CFAP47: variants seen among roughly 807,000 people sequenced by gnomAD.
CFAP47 encodes the protein cilia- and flagella-associated protein 47.
Under a neutral mutation model 148.1 loss-of-function variants are expected in CFAP47, and 29 were observed. The ratio of observed to expected loss-of-function variants is 0.20; its 90% CI spans 0.15 to 0.27. The LOEUF is 0.27. Among genes scored for constraint, CFAP47 ranks in the 10% least tolerant of loss-of-function variants. The probability of loss-of-function intolerance (pLI) is 1.00; values close to 1 mark genes in which losing one functional copy is unlikely to be tolerated. For missense variants in CFAP47, 1,872 were observed against 1,697.5 expected, an observed-to-expected ratio of 1.10 and a Z score of -1.81; for synonymous variants, 664 against 577.3, an observed-to-expected ratio of 1.15 and a Z score of -2.15.
At position 36,267,783 on chromosome X, in the gene CFAP47, G is replaced by C. The variant is rs1329174719; in HGVS notation, c.7445-12704G>C. ...GTGAGCCACCGCGCCCAGCAAAGTG[G>C]TTCATGTTCTTTTAGGTGACAGGAG... On this transcript the variant is annotated intron_variant, in intron 49 of 63. Transcript: ENST00000378653. Among the ~76,000 whole-genome samples the C allele has an allele frequency of 3.6e-5, 4 of 112,318 alleles. No individual in the cohort carries two copies. The East Asian group carries it at 1.1e-3, about 32-fold the overall frequency.
intron 51 of CFAP47, among the ~76,000 whole-genome samples, chrX:36,288,999 C>CTTTTTT (rs34230885): frequency 4.5e-4 from 30 of 66,400 alleles, no homozygotes; most frequent in African/African-American, 6.0e-4. Flanking sequence ...TTCTTTCATC[C>CTTTTTT]TTTTTTTTTT....
At chrX:36,038,533 A>G (rs1937365347) in intron 24 of CFAP47, among the ~76,000 whole-genome samples, 1 of 111,760 alleles carries the variant, frequency 8.9e-6, no homozygotes, top group African/African-American at 3.2e-5. Flanking sequence ...TAAACTTAAA[A>G]ATTTGGGATA....
intron 22 of CFAP47, among the ~76,000 whole-genome samples, chrX:36,021,396 G>T (rs1489984509): frequency 9.0e-6 from 1 of 110,645 alleles, no homozygotes; most frequent in Non-Finnish European, 1.9e-5. Context: ...TCAACCTCCT[G>T]GGTTCAAGTG....
chrX:36,215,433 C>G (rs1940149188), intron 45 of CFAP47, among the ~76,000 whole-genome samples: 1 of 110,196 alleles, frequency 9.1e-6, no homozygotes, highest in South Asian at 3.9e-4. Context: ...AGCATGGGGG[C>G]AGGTCTGCTT....
At chrX:36,275,338 T>C (rs1941003465) in intron 49 of CFAP47, among the ~76,000 whole-genome samples, 1 of 109,824 alleles carries the variant, frequency 9.1e-6, no homozygotes, top group Non-Finnish European at 1.9e-5. Context: ...CCTCCCAAAG[T>C]GCTGGGACTA....
At position 36,101,041 on chromosome X, in the gene CFAP47, C is replaced by T. The variant is rs753476398; in HGVS notation, c.5127+1162C>T. Among the ~76,000 whole-genome samples, 4 of 111,107 alleles carry T rather than the reference C, an allele frequency of 3.6e-5. No individual in the cohort carries two copies. In the South Asian group the frequency reaches 1.5e-3, roughly 42 times the overall value. On this transcript the variant is annotated intron_variant, in intron 32 of 63. Coordinates refer to ENST00000378653, the MANE Select transcript of CFAP47 (RefSeq NM_001304548.2). ...TCTGCATGATTCCTGACTTGCTCCT[C>T]CTGTGCTTCTCTTTTTCACCATCAA... is the stretch of plus-strand genomic sequence containing the variant.
chrX:36,073,392 T>C (rs2336656), intron 29 of CFAP47, 28 bp downstream of exon 29: 132,263 of 978,516 alleles, frequency 0.14, 18,698 homozygotes, highest in African/African-American at 0.84. Context: ...CTCTAAATTC[T>C]TTGCTTCATA....
chrX:36,196,380 A>G (rs1486560375), intron 42 of CFAP47, among the ~76,000 whole-genome samples: 2 of 111,484 alleles, frequency 1.8e-5, no homozygotes, highest in African/African-American at 6.5e-5. Context: ...CAAACAAATA[A>G]ATCACAAAAC....
At chrX:36,135,904 T>C (rs1446237835) in intron 33 of CFAP47, among the ~76,000 whole-genome samples, 3 of 111,422 alleles carry the variant, frequency 2.7e-5, no homozygotes, top group African/African-American at 9.8e-5. Flanking sequence ...ACCTCACTGA[T>C]GGTAATGAAA....
chrX:36,189,282 C>T (rs1009781100), intron 41 of CFAP47, among the ~76,000 whole-genome samples: 3 of 110,846 alleles, frequency 2.7e-5, no homozygotes, highest in African/African-American at 9.8e-5. Context: ...GGCTTGAGTC[C>T]TTTCAAAGTC....
rs202212575 is a variant in CFAP47 at position 36,371,908 on chromosome X, ATG to A, written c.9185+4787_9185+4788del. Among the ~76,000 whole-genome samples, 42 of 56,037 alleles carry A rather than the reference ATG, an allele frequency of 7.5e-4. 1 individual carries two copies. The East Asian group carries it at 0.019, about 25-fold the overall frequency. The allele number at this position is 56,037 out of a possible 115,157, so 48.7% of individuals were successfully genotyped here. On this transcript the variant is annotated intron_variant, in intron 62 of 63. Coordinates refer to ENST00000378653, the MANE Select transcript of CFAP47 (RefSeq NM_001304548.2). ...TGTGCATATACACACATGTGTATAT[ATG>A]TGTGTATATATGTGTATATACACAC... is the stretch of plus-strand genomic sequence containing the variant.
intron 42 of CFAP47, among the ~76,000 whole-genome samples, chrX:36,199,862 G>C (rs1351551754): frequency 9.0e-6 from 1 of 111,028 alleles, no homozygotes; most frequent in Non-Finnish European, 1.9e-5. Flanking sequence ...ATTAAAGAGG[G>C]CTTTTGTTAA....
chrX:36,322,856 A>G (rs941569183), intron 57 of CFAP47, among the ~76,000 whole-genome samples: 3 of 110,994 alleles, frequency 2.7e-5, no homozygotes, highest in African/African-American at 9.8e-5. Flanking sequence ...TGTTTATTTT[A>G]TAGAAACTTT....
At chrX:36,331,515 C>A (rs1363733472) in intron 57 of CFAP47, among the ~76,000 whole-genome samples, 1 of 111,523 alleles carries the variant, frequency 9.0e-6, no homozygotes, top group African/African-American at 3.3e-5. Context: ...ATCCAGTACA[C>A]TTCTCAAACT....
chrX:36,240,895 G>A (rs1004214692), intron 48 of CFAP47, among the ~76,000 whole-genome samples: 6 of 111,189 alleles, frequency 5.4e-5, no homozygotes, highest in African/African-American at 1.3e-4. Context: ...AATGGGGAGG[G>A]GGACAATACG....
intron 39 of CFAP47, among the ~76,000 whole-genome samples, chrX:36,164,840 G>A (rs1244441238): frequency 2.7e-5 from 3 of 111,167 alleles, no homozygotes; most frequent in Admixed American, 9.6e-5. Context: ...CTTACATTTT[G>A]AAGTGCATGA....
At chrX:36,086,681 A>G (rs1343916982) in intron 30 of CFAP47, among the ~76,000 whole-genome samples, 1 of 111,777 alleles carries the variant, frequency 8.9e-6, no homozygotes, top group African/African-American at 3.3e-5. Flanking sequence ...TTCATTTCTT[A>G]GGCTCTCAAT....
chrX:36,233,399 G>T (rs1940399632), intron 46 of CFAP47, among the ~76,000 whole-genome samples: 1 of 110,905 alleles, frequency 9.0e-6, no homozygotes, highest in African/African-American at 3.3e-5. Flanking sequence ...GATCTTTGTT[G>T]GTTTAAAGTC....
rs1939273868 is a variant in CFAP47 at position 36,149,105 on chromosome X, T to C, written c.5671-3T>C. On this transcript the variant is annotated splice_region_variant and splice_polypyrimidine_tract_variant and intron_variant, in intron 36 of 63. Transcript: ENST00000378653. ...ACTTATATCCTCTTCTACTTCTACA[T>C]AGATTCTACTGAAAAATTCCAGCTC... The C allele has an allele frequency of 6.8e-6, 2 of 294,235 alleles. No homozygotes were observed. Among genetic ancestry groups the C allele is most frequent in the African/African-American group, 2.8e-5 (1 of 36,220 alleles). 24.2% of individuals were successfully genotyped at this position (294,235 alleles called of 1,213,427 possible). A position where few individuals can be genotyped will look rare whatever the true frequency, so the allele number is the denominator to read the frequency against.
Sources: gnomAD v4.1 joint callset for allele counts (sites outside exome capture counted in the v4.1 genomes callset) on GRCh38, gnomAD v4.1.1 for gene constraint, MANE v1.5 for transcripts, NCBI Gene and HGNC (gene_info 2026-07-23, HGNC 2026-07-21) for gene names.